Variants in ROCK2 observed in about 807,000 individuals in gnomAD.
The protein encoded by ROCK2 is Rho associated coiled-coil containing protein kinase 2.
A neutral mutation model predicts 195.1 loss-of-function variants in ROCK2; 61 were observed. The ratio of observed to expected loss-of-function variants is 0.31; its 90% confidence interval spans 0.25 to 0.39. The LOEUF is 0.39. Ranked by LOEUF, ROCK2 falls within the 10% of genes least tolerant of loss-of-function variation. ROCK2 has a pLI of 1.00. For missense variants in ROCK2, 1,109 were observed against 1,637.4 expected, an observed-to-expected ratio of 0.68 and a Z score of 5.57; for synonymous variants, 504 against 545.5, an observed-to-expected ratio of 0.92 and a Z score of 1.06.
At chr2:11,229,377 A>G (rs1664921325) in intron 5 of ROCK2, among the ~76,000 whole-genome samples, 1 of 152,140 alleles carries the variant, frequency 6.6e-6, no homozygotes, top group African/African-American at 2.4e-5. Flanking sequence ...ACCCTGTTTA[A>G]ATGAACTGTG....
intron 3 of ROCK2, among the ~76,000 whole-genome samples, chr2:11,266,398 C>T (rs148391774): frequency 5.7e-4 from 87 of 152,246 alleles, no homozygotes; most frequent in African/African-American, 2.1e-3. Flanking sequence ...CTTTGGGGAC[C>T]ACTGACATAT....
At chr2:11,224,593 C>T (rs1664749639) in intron 6 of ROCK2, 133 bp from the exon 7 acceptor site, 2 of 754,834 alleles carry the variant, frequency 2.6e-6, no homozygotes, top group Admixed American at 5.2e-5. Flanking sequence ...GGCACAGAGT[C>T]CCAGTCAAAA....
At chr2:11,291,878 G>C (rs1667373279) in intron 1 of ROCK2, among the ~76,000 whole-genome samples, 1 of 152,114 alleles carries the variant, frequency 6.6e-6, no homozygotes, top group Non-Finnish European at 1.5e-5. Flanking sequence ...AGGGAGAAGA[G>C]GGGACTAAAA....
intron 1 of ROCK2, among the ~76,000 whole-genome samples, chr2:11,291,692 A>G (rs1667368211): frequency 6.6e-6 from 1 of 152,248 alleles, no homozygotes; most frequent in African/African-American, 2.4e-5. Flanking sequence ...AGGAATTTCA[A>G]TTGCTAAATG....
chr2:11,214,455 A>T lies in ROCK2; in HGVS notation c.1945T>A (p.Cys649Ser). 1 of 1,593,644 alleles carries T rather than the reference A, an allele frequency of 6.3e-7. No individual in the cohort carries two copies. Among genetic ancestry groups the T allele is most frequent in the East Asian group, 2.2e-5 (1 of 44,698 alleles). The change falls in exon 17 of 33, where the codon TGT (cysteine) becomes AGT (serine). Residue 649 changes from cysteine (C) to serine (S), a missense_variant. Transcript: ENST00000315872. ...TTCTTTAAATCTTCTTCTAGGCCAC[A>T]TATTCTACCTAAAAATTGCAACGTT... The part of the protein sequence containing the change: ...EIINDLQGRI[C>S]GLEEDLKNGK...
intron 6 of ROCK2, among the ~76,000 whole-genome samples, chr2:11,226,212 C>T (rs1289638781): frequency 6.6e-5 from 10 of 152,160 alleles, no homozygotes; most frequent in Non-Finnish European, 1.3e-4. Flanking sequence ...CACTGGCTTC[C>T]TTAGCCAGAA....
intron 1 of ROCK2, among the ~76,000 whole-genome samples, chr2:11,319,935 A>G (rs1343578479): frequency 1.3e-5 from 2 of 152,190 alleles, no homozygotes; most frequent in East Asian, 3.8e-4. Flanking sequence ...CCTAACCAGA[A>G]AACACCTTAA....
chr2:11,276,959 T>C (rs1430357621), intron 3 of ROCK2, among the ~76,000 whole-genome samples: 2 of 152,224 alleles, frequency 1.3e-5, no homozygotes. Flanking sequence ...TCTTTTTTCA[T>C]GTTTTTATTA....
At chr2:11,183,849 A>G (rs886593348) in intron 32 of ROCK2, among the ~76,000 whole-genome samples, 1 of 152,194 alleles carries the variant, frequency 6.6e-6, no homozygotes, top group Non-Finnish European at 1.5e-5. Flanking sequence ...CCTAAGCCAC[A>G]TTTTGTTTTT....
chr2:11,302,852 T>C (rs1208773397), intron 1 of ROCK2, among the ~76,000 whole-genome samples: 2 of 152,204 alleles, frequency 1.3e-5, no homozygotes, highest in African/African-American at 4.8e-5. Flanking sequence ...CTCCACCTTT[T>C]AAAATGAGGC....
chr2:11,304,194 T>A (rs1667787879), intron 1 of ROCK2, among the ~76,000 whole-genome samples: 2 of 152,190 alleles, frequency 1.3e-5, no homozygotes, highest in Non-Finnish European at 2.9e-5. Context: ...TCAAGACCCA[T>A]ATATCTATTT....
intron 1 of ROCK2, among the ~76,000 whole-genome samples, chr2:11,288,516 T>C (rs1172171111): frequency 6.6e-6 from 1 of 152,106 alleles, no homozygotes; most frequent in Non-Finnish European, 1.5e-5. Flanking sequence ...ACAGAGAAAT[T>C]ACATGACTTT....
In ROCK2 at chr2:11,197,492, A is replaced by G; in HGVS notation, c.3279+34T>C. The G allele has an allele frequency of 1.3e-6, 2 of 1,580,916 alleles. No homozygotes were observed. Among genetic ancestry groups the G allele is most frequent in the East Asian group, 2.2e-5 (1 of 44,504 alleles). ...AAAATAATTCTACTTCTTAAAAAGA[A>G]GTCTTCAGTCTAGAGTCCAAAAAGT... On this transcript the variant is annotated intron_variant, in intron 26 of 32. Coordinates refer to ENST00000315872, the MANE Select transcript of ROCK2 (RefSeq NM_004850.5). The surrounding 1 kb of genome is among the most constrained non-coding windows in gnomAD (Gnocchi z 4.9).
intron 1 of ROCK2, among the ~76,000 whole-genome samples, chr2:11,310,341 A>G (rs1457255752): frequency 6.6e-6 from 1 of 152,220 alleles, no homozygotes; most frequent in East Asian, 1.9e-4. Context: ...AAAAGGTTAA[A>G]GCAGAGTTGG....
intron 1 of ROCK2, among the ~76,000 whole-genome samples, chr2:11,319,528 C>T (rs928384731): frequency 4.6e-5 from 7 of 152,192 alleles, no homozygotes; most frequent in Non-Finnish European, 1.0e-4. Flanking sequence ...TCTAGATAAA[C>T]AATCATGTCA....
intron 3 of ROCK2, among the ~76,000 whole-genome samples, chr2:11,252,621 A>C (rs1665874145): frequency 6.6e-6 from 1 of 152,214 alleles, no homozygotes; most frequent in Non-Finnish European, 1.5e-5. Context: ...CTATGCAGCC[A>C]TAAAAAAGGA....
intron 3 of ROCK2, among the ~76,000 whole-genome samples, chr2:11,253,650 T>C (rs963146363): frequency 4.1e-4 from 63 of 152,280 alleles, no homozygotes; most frequent in African/African-American, 1.5e-3. Context: ...TTCTCCATTA[T>C]ATCCCTAGTG....
intron 1 of ROCK2, among the ~76,000 whole-genome samples, chr2:11,299,126 T>C (rs1440586644): frequency 6.6e-6 from 1 of 151,138 alleles, no homozygotes; most frequent in Non-Finnish European, 1.5e-5. Context: ...ATACAAAAAT[T>C]AGCCGGGTGT....
intron 3 of ROCK2, among the ~76,000 whole-genome samples, chr2:11,275,282 A>G (rs1041926386): frequency 1.3e-5 from 2 of 152,036 alleles, no homozygotes; most frequent in Non-Finnish European, 2.9e-5. Flanking sequence ...AAGAATTATA[A>G]GAACAATTAT....
Sources: gnomAD v4.1 joint callset for allele counts (sites outside exome capture counted in the v4.1 genomes callset) on GRCh38, gnomAD v4.1.1 for gene constraint, Gnocchi (gnomAD v3.1) non-coding constraint, MANE v1.5 for transcripts, NCBI Gene and HGNC (gene_info 2026-07-23, HGNC 2026-07-21) for gene names.